MAST2: variants seen among roughly 807,000 people sequenced by gnomAD.
The protein encoded by MAST2 is microtubule-associated serine/threonine-protein kinase 2.
A neutral mutation model predicts 147.4 loss-of-function variants in MAST2; 70 were observed. The observed-to-expected ratio is 0.47, with a 90% CI of 0.39 to 0.58. MAST2 has a LOEUF of 0.58. Ranked by LOEUF, MAST2 falls within the 20% of genes least tolerant of loss-of-function variation. MAST2 has a pLI of 0.00. For missense variants in MAST2, 2,080 were observed against 2,302.3 expected (o/e 0.90, Z 1.98); for synonymous variants, 869 against 896.8 (o/e 0.97, Z 0.55).
chr1:45,935,907 A>T (rs1557931829), intron 4 of MAST2, among the ~76,000 whole-genome samples: 1 of 152,172 alleles, frequency 6.6e-6, no homozygotes, highest in East Asian at 1.9e-4. Context: ...GATTTTTAGA[A>T]TAGTTTTCTC....
At chr1:45,947,066 A>G (rs1381135101) in intron 4 of MAST2, among the ~76,000 whole-genome samples, 1 of 152,192 alleles carries the variant, frequency 6.6e-6, no homozygotes, top group African/African-American at 2.4e-5. Context: ...TTAGGCCTTC[A>G]AATAATGTTA....
In MAST2 at chr1:46,035,969, A is replaced by G; in HGVS notation, c.5300A>G (p.Lys1767Arg). The G allele has an allele frequency of 4.3e-6, 7 of 1,613,944 alleles. No individual in the cohort carries two copies. Among genetic ancestry groups the G allele is most frequent in the Non-Finnish European group, 5.9e-6 (7 of 1,180,026 alleles). The stretch of plus-strand genomic sequence containing the variant: ...TGCCGAGGCTGCCCCCTCACCCAGA[A>G]GTCTGAGCCCAGCCTCAGGAGGGGC... ...VPCRGCPLTQKSEPSLRRGQE... is the reference protein window; with the variant it reads ...VPCRGCPLTQRSEPSLRRGQE... The change falls in exon 29 of 29, where the codon AAG (lysine) becomes AGG (arginine). Residue 1767 changes from lysine (K) to arginine (R), a missense_variant. Transcript: ENST00000361297. This position sits in a 1 kb window ranked among gnomAD's most constrained non-coding sequence, Gnocchi z 5.5.
chr1:46,028,091 T>G lies in MAST2; in HGVS notation c.2052+228T>G, dbSNP rs766637795. On this transcript the variant is annotated intron_variant, in intron 17 of 28. Transcript: ENST00000361297. ...ATATGCCTACCTTGTAGCTAGATGT[T>G]AAGATTGGGAACCCCTATCTTTTCT... 2.8e-4 allele frequency among the ~76,000 whole-genome samples: 42 copies of G among 152,320 alleles called. 1 individual carries two copies. The Middle Eastern group carries it at 0.034, about 123-fold the overall frequency.
chr1:46,032,099 T>A, intron 24 of MAST2, 79 bp from the exon 25 acceptor site: 1 of 1,074,206 alleles, frequency 9.3e-7, no homozygotes, highest in East Asian at 2.4e-5. Context: ...TGACTAGAGT[T>A]GTGCTGACAT....
Position 46,010,913 on chromosome 1 carries a change from G to C in MAST2, c.1162G>C (p.Asp388His), listed in dbSNP as rs971479547. ...ITSQYFYELQDNLEKLLQDAH... is the reference protein window; with the variant it reads ...ITSQYFYELQHNLEKLLQDAH... ...ATCACAATACTTCTACGAACTTCAA[G>C]ATAATTTGGAGAAACTTTTACAAGA... The change falls in exon 10 of 29, where the codon GAT (aspartate) becomes CAT (histidine). Residue 388 changes from aspartate (D) to histidine (H), a missense_variant. Asp to His is a moderately conservative substitution (Grantham distance 81). Coordinates refer to ENST00000361297, the MANE Select transcript of MAST2 (RefSeq NM_015112.3). 1.2e-6 allele frequency: 2 copies of C among 1,614,070 alleles called. No individual in the cohort carries two copies. Among genetic ancestry groups the C allele is most frequent in the South Asian group, 2.2e-5 (2 of 91,072 alleles).
At chr1:45,895,408 C>G (rs1318817812) in intron 4 of MAST2, among the ~76,000 whole-genome samples, 1 of 152,102 alleles carries the variant, frequency 6.6e-6, no homozygotes, top group Non-Finnish European at 1.5e-5. Flanking sequence ...ATGGGAATAA[C>G]TTAGCTATAA....
Position 46,032,284 on chromosome 1 carries a change from T to TGGCAGCATGAGGCCTCCCATC in MAST2, c.3295_3315dup (p.Gly1099_Ile1105dup). On this transcript the variant is annotated inframe_insertion, in exon 25 of 29. Coordinates refer to ENST00000361297, the MANE Select transcript of MAST2 (RefSeq NM_015112.3). ...CAAGCAGGGACTTCTTGCCAGCCCTTGGCAGCATGAGGCCTCCCATCATCA... is the reference window on the plus strand; with the variant it reads ...CAAGCAGGGACTTCTTGCCAGCCCTTGGCAGCATGAGGCCTCCCATCGGCAGCATGAGGCCTCCCATCATCA... The TGGCAGCATGAGGCCTCCCATC allele has an allele frequency of 6.2e-7, 1 of 1,614,194 alleles. No individual in the cohort carries two copies.
At chr1:45,932,408 G>A (rs1344336841) in intron 4 of MAST2, among the ~76,000 whole-genome samples, 2 of 152,052 alleles carry the variant, frequency 1.3e-5, no homozygotes, top group Admixed American at 6.5e-5. Flanking sequence ...TTGACTGGGC[G>A]CTGTGGCTCA....
At chr1:46,002,240 T>G (rs1645303029) in intron 6 of MAST2, among the ~76,000 whole-genome samples, 1 of 152,208 alleles carries the variant, frequency 6.6e-6, no homozygotes, top group Non-Finnish European at 1.5e-5. Flanking sequence ...TTTCATAAAG[T>G]TACTGTCACT....
intron 3 of MAST2, among the ~76,000 whole-genome samples, chr1:45,849,235 T>G (rs908181706): frequency 2.6e-5 from 4 of 152,126 alleles, no homozygotes; most frequent in African/African-American, 9.7e-5. Flanking sequence ...AAAACGATTT[T>G]AAAATTCGTA....
At position 46,034,211 on chromosome 1, in the gene MAST2, T is replaced by C. The variant is rs1175698217; in HGVS notation, c.3813T>C (p.Leu1271=). ...GPGSPTHSHS[L]SPRSPTQGYR... ...GCTCTCCCACACACAGCCACAGCCTTTCCCCCCGATCTCCCACTCAAGGCT... is the reference window on the plus strand; with the variant it reads ...GCTCTCCCACACACAGCCACAGCCTCTCCCCCCGATCTCCCACTCAAGGCT... The change falls in exon 28 of 29, where the codon CTT becomes CTC. Residue 1271 remains leucine, a synonymous_variant. Coordinates refer to ENST00000361297, the MANE Select transcript of MAST2 (RefSeq NM_015112.3). The C allele has an allele frequency of 1.2e-6, 2 of 1,614,038 alleles. No individual in the cohort carries two copies. Among genetic ancestry groups the C allele is most frequent in the Non-Finnish European group, 1.7e-6 (2 of 1,179,960 alleles).
intron 3 of MAST2, among the ~76,000 whole-genome samples, chr1:45,855,616 T>G (rs1645762456): frequency 6.6e-6 from 1 of 152,066 alleles, no homozygotes; most frequent in Non-Finnish European, 1.5e-5. Flanking sequence ...TTTTGCAACT[T>G]TAAATGATGT....
At position 46,032,076 on chromosome 1, in the gene MAST2, C is replaced by A. The variant is rs570982250; in HGVS notation, c.3188-102C>A. On this transcript the variant is annotated intron_variant, in intron 24 of 28. Coordinates refer to ENST00000361297, the MANE Select transcript of MAST2 (RefSeq NM_015112.3). ...GCTGTGGGGAAAATGGACCTAGGCT[C>A]AGGCTCTGTCTGTGACTAGAGTTGT... 3.8e-5 allele frequency: 34 copies of A among 899,278 alleles called. No homozygotes were observed. The African/African-American group carries it at 5.0e-4, about 13-fold the overall frequency. The allele number at this position is 899,278 out of a possible 1,614,324, so 55.7% of individuals were successfully genotyped here. A position where few individuals can be genotyped will look rare whatever the true frequency, so the allele number is the denominator to read the frequency against.
At position 45,824,562 on chromosome 1, in the gene MAST2, C is replaced by G. The variant is rs924817352; in HGVS notation, c.307C>G (p.Leu103Val). ...TGATTGTAAGTTATGGAGAGGAAAC[C>G]TGGCCAGCTCTCTATCGGGTAAATA... Reference protein sequence around the residue: ...QDDCKLWRGNLASSLSGKQLL... With the variant: ...QDDCKLWRGNVASSLSGKQLL... The change falls in exon 2 of 29, where the codon CTG becomes GTG. Residue 103 changes from leucine (L) to valine (V), a missense_variant. Transcript: ENST00000361297. 1.5e-5 allele frequency: 24 copies of G among 1,600,544 alleles called. No homozygotes were observed. Among genetic ancestry groups the G allele is most frequent in the Middle Eastern group, 1.7e-4 (1 of 6,026 alleles).
intron 4 of MAST2, among the ~76,000 whole-genome samples, chr1:45,937,100 G>A (rs1324429751): frequency 7.7e-6 from 1 of 129,216 alleles, no homozygotes; most frequent in African/African-American, 3.0e-5. Flanking sequence ...TTATTTGTTT[G>A]TTTATTTATT....
At position 45,914,757 on chromosome 1, in the gene MAST2, T is replaced by C. The variant is rs1466963200; in HGVS notation, c.500+32362T>C. On this transcript the variant is annotated intron_variant, in intron 4 of 28. Coordinates refer to ENST00000361297, the MANE Select transcript of MAST2 (RefSeq NM_015112.3). ...AGAAACAGGATTTGTTTGAAGTATATAGTTGTAGTATTGACACACTTTAAA... is the reference window on the plus strand; with the variant it reads ...AGAAACAGGATTTGTTTGAAGTATACAGTTGTAGTATTGACACACTTTAAA... 1.1e-4 allele frequency among the ~76,000 whole-genome samples: 16 copies of C among 152,140 alleles called. 1 individual carries two copies. The highest frequency in any genetic ancestry group is 9.2e-4 in the Admixed American group (14 of 15,276).
intron 4 of MAST2, among the ~76,000 whole-genome samples, chr1:45,958,502 C>T (rs892192033): frequency 6.6e-6 from 1 of 151,512 alleles, no homozygotes; most frequent in Admixed American, 6.6e-5. Context: ...CTCCTTTTCT[C>T]CCTCTCCCTC....
intron 3 of MAST2, 34 bp downstream of exon 3, chr1:45,829,615 G>T: frequency 6.3e-7 from 1 of 1,585,806 alleles, no homozygotes; most frequent in South Asian, 1.1e-5. Flanking sequence ...TTTGCTCTAT[G>T]AAAAATCCAT....
intron 3 of MAST2, among the ~76,000 whole-genome samples, chr1:45,838,215 C>CTTTTT (rs61696475): frequency 1.4e-4 from 14 of 97,952 alleles, no homozygotes; most frequent in Admixed American, 2.3e-4. Context: ...TATATATATT[C>CTTTTT]TTTTTTTTTT....
Sources: gnomAD v4.1 joint callset for allele counts (sites outside exome capture counted in the v4.1 genomes callset) on GRCh38, gnomAD v4.1.1 for gene constraint, Gnocchi (gnomAD v3.1) non-coding constraint, MANE v1.5 for transcripts, NCBI Gene and HGNC (gene_info 2026-07-23, HGNC 2026-07-21) for gene names.